The following PDE10A variants were observed in gnomAD, a reference collection of about 807,000 sequenced individuals.
PDE10A encodes the protein cAMP and cAMP-inhibited cGMP 3',5'-cyclic phosphodiesterase 10A.
In PDE10A, 39 loss-of-function variants were observed where a neutral mutation model predicts 97.7. The observed-to-expected ratio is 0.40, with a 90% CI of 0.31 to 0.52. The LOEUF is 0.52. Among genes scored for constraint, PDE10A ranks in the 20% least tolerant of loss-of-function variants. PDE10A has a pLI of 0.56. For synonymous variants in PDE10A, 371 were observed against 376.8 expected, an observed-to-expected ratio of 0.98 and a Z score of 0.18; for missense variants, 731 against 1,047.8, an observed-to-expected ratio of 0.70 and a Z score of 4.17.
intron 18 of PDE10A, among the ~76,000 whole-genome samples, chr6:165,344,411 A>C (rs1782174673): frequency 6.6e-6 from 1 of 152,218 alleles, no homozygotes; most frequent in East Asian, 1.9e-4. Context: ...AGGATATAAA[A>C]GTGTGTAATG....
chr6:165,822,016 T>C (rs1245510472), intron 1 of PDE10A, among the ~76,000 whole-genome samples: 1 of 152,186 alleles, frequency 6.6e-6, no homozygotes, highest in Non-Finnish European at 1.5e-5. Flanking sequence ...AAGGGCAACT[T>C]GAAGACTGAC....
chr6:165,754,885 TATATC>T (rs1214096582), intron 1 of PDE10A, among the ~76,000 whole-genome samples: 16 of 152,366 alleles, frequency 1.1e-4, no homozygotes, highest in African/African-American at 3.8e-4. Context: ...ACATTTATCT[TATATC>T]AGATCATTTA....
intron 1 of PDE10A, among the ~76,000 whole-genome samples, chr6:165,903,752 A>C (rs1782182172): frequency 6.6e-6 from 1 of 152,040 alleles, no homozygotes; most frequent in South Asian, 2.1e-4. Context: ...TACAAAAAAA[A>C]AGCTGAGTAC....
chr6:165,411,086 C>CAAA (rs71026688), intron 13 of PDE10A, among the ~76,000 whole-genome samples: 23 of 43,060 alleles, frequency 5.3e-4, no homozygotes, highest in South Asian at 2.1e-3. Context: ...GACTCCGCCT[C>CAAA]AAAAAAAAAA....
At chr6:165,849,896 A>G (rs1341615846) in intron 1 of PDE10A, among the ~76,000 whole-genome samples, 1 of 152,250 alleles carries the variant, frequency 6.6e-6, no homozygotes, top group African/African-American at 2.4e-5. Context: ...CTGCAACTCA[A>G]TAAGCAGCCC....
chr6:165,811,225 AAAAAACAAACAC>A (rs1779274797), intron 1 of PDE10A, among the ~76,000 whole-genome samples: 1 of 152,234 alleles, frequency 6.6e-6, no homozygotes. Context: ...TCCGTCTCAA[AAAAAACAAACAC>A]AAAAACAAAC....
rs1205209737 is a variant in PDE10A at position 165,619,204 on chromosome 6, G to GTAGAC, written c.865+42742_865+42743insGTCTA. Among the ~76,000 whole-genome samples the GTAGAC allele has an allele frequency of 5.1e-3, 560 of 109,120 alleles. 17 individuals carry two copies. The highest frequency in any genetic ancestry group is 0.024 in the African/African-American group (528 of 21,914). 71.6% of individuals were successfully genotyped at this position (109,120 alleles called of 152,430 possible). ...GTAGTGTAGTCTAGTGTAGTGTAATGTAGTGCAGTGTAGACTAGTGTAGTG... is the reference window on the plus strand; with the variant it reads ...GTAGTGTAGTCTAGTGTAGTGTAATGTAGACTAGTGCAGTGTAGACTAGTGTAGTG... On this transcript the variant is annotated intron_variant, in intron 1 of 21. Transcript: ENST00000539869.
At chr6:165,918,629 T>C (rs1782670574) in intron 1 of PDE10A, among the ~76,000 whole-genome samples, 1 of 152,280 alleles carries the variant, frequency 6.6e-6, no homozygotes, top group African/African-American at 2.4e-5. Context: ...ATTTTGTATA[T>C]GTGCCTATAG....
At chr6:165,654,692 G>C (rs1195443310) in intron 1 of PDE10A, among the ~76,000 whole-genome samples, 1 of 152,174 alleles carries the variant, frequency 6.6e-6, no homozygotes, top group East Asian at 1.9e-4. Flanking sequence ...CCTGCCCACA[G>C]CTGAGATTCA....
chr6:165,834,001 A>C (rs1210873921), intron 1 of PDE10A, among the ~76,000 whole-genome samples: 26 of 152,224 alleles, frequency 1.7e-4, no homozygotes. Context: ...AGCAGCACAT[A>C]CTAGAGAGGA....
intron 1 of PDE10A, among the ~76,000 whole-genome samples, chr6:165,829,075 G>T (rs1195724792): frequency 1.3e-5 from 2 of 152,194 alleles, no homozygotes; most frequent in African/African-American, 2.4e-5. Flanking sequence ...AAGAGAAAAG[G>T]TACAGAATGA....
chr6:165,857,716 TGTGTGTGTGTGTGTGTGTGTGA>T (rs1257457391), intron 1 of PDE10A, among the ~76,000 whole-genome samples: 22 of 140,904 alleles, frequency 1.6e-4, no homozygotes, highest in Non-Finnish European at 2.6e-4. Context: ...TGTGTGTGTG[TGTGTGTGTGTGTGTGTGTGTGA>T]AGAATGATTG....
intron 1 of PDE10A, among the ~76,000 whole-genome samples, chr6:165,965,668 T>C (rs1784490157): frequency 6.6e-6 from 1 of 152,230 alleles, no homozygotes; most frequent in African/African-American, 2.4e-5. Flanking sequence ...GGCTTTGGGT[T>C]TATCCTTGCA....
intron 1 of PDE10A, among the ~76,000 whole-genome samples, chr6:165,826,390 C>G (rs889179071): frequency 2.3e-5 from 3 of 131,718 alleles, no homozygotes; most frequent in African/African-American, 5.2e-5. Context: ...GTCCTCATGT[C>G]CCTCGTGTCC....
At chr6:165,384,648 GTGTGTGTGTGTGTGTGTGTGTAT>G (rs1447131322) in intron 17 of PDE10A, among the ~76,000 whole-genome samples, 9,834 of 71,132 alleles carry the variant, frequency 0.14, 1,058 homozygotes, top group African/African-American at 0.28. Context: ...GTGTGTGTGT[GTGTGTGTGTGTGTGTGTGTGTAT>G]GGGGGGGGGC....
chr6:165,896,098 G>A (rs746068043), intron 1 of PDE10A, among the ~76,000 whole-genome samples: 4 of 152,118 alleles, frequency 2.6e-5, no homozygotes, highest in Admixed American at 2.6e-4. Context: ...AGAACAGGAC[G>A]GGAAGGAACT....
chr6:165,560,112 G>T (rs1369209639), intron 1 of PDE10A, among the ~76,000 whole-genome samples: 1 of 152,156 alleles, frequency 6.6e-6, no homozygotes, highest in Non-Finnish European at 1.5e-5. Context: ...GCTACAGGTT[G>T]GTCCTAAAAT....
At chr6:165,856,026 T>A (rs1780723480) in intron 1 of PDE10A, among the ~76,000 whole-genome samples, 1 of 152,170 alleles carries the variant, frequency 6.6e-6, no homozygotes, top group Non-Finnish European at 1.5e-5. Flanking sequence ...CATCAGAGAT[T>A]GATGAGGGGC....
upstream of PDE10A, among the ~76,000 whole-genome samples, chr6:165,666,828 A>C (rs9459470): frequency 6.6e-6 from 1 of 152,202 alleles, no homozygotes; most frequent in African/African-American, 2.4e-5. Flanking sequence ...GTTAATGCGC[A>C]TGTAATTTGC....
Sources: allele counts gnomAD v4.1 joint callset (sites outside exome capture counted in the v4.1 genomes callset), GRCh38; gene constraint gnomAD v4.1.1; transcripts MANE v1.5; gene names NCBI Gene and HGNC (gene_info 2026-07-23, HGNC 2026-07-21).